The following RGP1 variants were observed in gnomAD, a reference collection of about 807,000 sequenced individuals.
RGP1 encodes the protein RGP1 partner of RAB6A GEF complex.
RGP1 carries 28 observed loss-of-function variants against 44.5 expected under a neutral mutation model. That is an observed-to-expected ratio of 0.63 (90% CI 0.47 to 0.86). The LOEUF (loss-of-function observed/expected upper bound fraction) is 0.86, where lower values mean the gene tolerates loss of function less well. RGP1 is among the 40% of genes least tolerant of loss of function. The pLI is 0.00. For missense variants in RGP1, 417 were observed against 490.7 expected (o/e 0.85, Z 1.42); for synonymous variants, 212 against 196.7 (o/e 1.08, Z -0.65).
the RGP1 span, among the ~76,000 whole-genome samples, chr9:35,777,524 T>C: frequency 2.6e-5 from 4 of 151,756 alleles, no homozygotes; most frequent in Non-Finnish European, 2.9e-5. Context: ...CTTGCTATGT[T>C]GACCAGGCTG....
intron 3 of RGP1, 74 bp downstream of exon 3, chr9:35,750,453 A>T: frequency 6.5e-7 from 1 of 1,538,994 alleles, no homozygotes; most frequent in Admixed American, 1.7e-5. Flanking sequence ...CCCATGGGTG[A>T]AGTTGTTAAT....
the RGP1 span, among the ~76,000 whole-genome samples, chr9:35,788,523 G>A: frequency 2.3e-4 from 34 of 150,946 alleles, no homozygotes; most frequent in Non-Finnish European, 2.5e-4. Flanking sequence ...CCGAGATTGC[G>A]CCACTACATT....
rs528421992 is a variant in RGP1, at chr9:35,754,060, C to A, written c.*1186C>A. On this transcript the variant is annotated 3_prime_UTR_variant, in exon 9 of 9. Transcript: ENST00000378078. ...GGGTGCTGGAGGAGTAGAGACATCA[C>A]CAAGCAGATGATCCCCCAGCCTCCT... 11 of 1,613,728 alleles carry A rather than the reference C, an allele frequency of 6.8e-6. No individual in the cohort carries two copies. The highest frequency in any genetic ancestry group is 9.3e-6 in the Non-Finnish European group (11 of 1,179,856).
At chr9:35,750,629 A>C (rs771452345) in intron 3 of RGP1, 29 bp from the exon 4 acceptor site, 10 of 1,609,194 alleles carry the variant, frequency 6.2e-6, no homozygotes, top group Non-Finnish European at 7.7e-6. Context: ...ACAATGGGTC[A>C]TTAAATTAGT....
At chr9:35,766,147 TAAAAAA>T in the RGP1 span, among the ~76,000 whole-genome samples, 1 of 125,118 alleles carries the variant, frequency 8.0e-6, no homozygotes, top group African/African-American at 3.1e-5. Context: ...GTCAGTTTCT[TAAAAAA>T]AAAAAAAAAA....
At chr9:35,773,722 G>C in the RGP1 span, among the ~76,000 whole-genome samples, 2 of 151,954 alleles carry the variant, frequency 1.3e-5, no homozygotes, top group Non-Finnish European at 1.5e-5. Context: ...GGCTGGTCTC[G>C]AACTCCTGAC....
chr9:35,763,134 C>A (rs773420448), downstream of RGP1, among the ~76,000 whole-genome samples: 1 of 152,214 alleles, frequency 6.6e-6, no homozygotes, highest in Non-Finnish European at 1.5e-5. Context: ...CTGTATTAGC[C>A]ACTTAACTAG....
chr9:35,759,827 G>A (rs1030759523), downstream of RGP1, among the ~76,000 whole-genome samples: 1 of 149,786 alleles, frequency 6.7e-6, no homozygotes, highest in Non-Finnish European at 1.5e-5. Flanking sequence ...GCATCCTTTT[G>A]TAGAAGAATC....
chr9:35,789,370 A>C, the RGP1 span, among the ~76,000 whole-genome samples: 2 of 124,720 alleles, frequency 1.6e-5, no homozygotes, highest in Non-Finnish European at 3.3e-5. Context: ...TCTTGCTGTC[A>C]CCCAGGCTGC....
chr9:35,768,680 C>CA, the RGP1 span, among the ~76,000 whole-genome samples: 1 of 152,080 alleles, frequency 6.6e-6, no homozygotes, highest in South Asian at 2.1e-4. Flanking sequence ...CAAACAGGGG[C>CA]AAAGGAACAT....
chr9:35,765,949 C>T, the RGP1 span, among the ~76,000 whole-genome samples: 1 of 151,106 alleles, frequency 6.6e-6, no homozygotes, highest in African/African-American at 2.4e-5. Context: ...ATTCTCCTGC[C>T]TCAGCCTCCT....
At position 35,753,797 on chromosome 9, in the gene RGP1, T is replaced by G. The variant is rs1827314037; in HGVS notation, c.*923T>G. The stretch of plus-strand genomic sequence containing the variant: ...GGGAAGAACGGGAAATGTTAGTAGG[T>G]GTAGGAGTGCTGATGAGAGGCAGAG... On this transcript the variant is annotated 3_prime_UTR_variant, in exon 9 of 9. Transcript: ENST00000378078. This position sits in a 1 kb window ranked among gnomAD's most constrained non-coding sequence, Gnocchi z 4.2. The G allele has an allele frequency of 6.3e-7, 1 of 1,595,906 alleles. No homozygotes were observed. The highest frequency in any genetic ancestry group is 1.7e-5 in the Admixed American group (1 of 59,914).
chr9:35,753,387 G>C lies in RGP1; in HGVS notation c.*513G>C. 7.8e-7 allele frequency: 1 copy of C among 1,280,842 alleles called. No homozygotes were observed. Among genetic ancestry groups the C allele is most frequent in the Non-Finnish European group, 1.1e-6 (1 of 931,260 alleles). The allele number at this position is 1,280,842 out of a possible 1,614,324, so 79.3% of individuals were successfully genotyped here. A position where few individuals can be genotyped will look rare whatever the true frequency, so the allele number is the denominator to read the frequency against. On this transcript the variant is annotated 3_prime_UTR_variant, in exon 9 of 9. Coordinates refer to ENST00000378078, the MANE Select transcript of RGP1 (RefSeq NM_001080496.3). This position sits in a 1 kb window ranked among gnomAD's most constrained non-coding sequence, Gnocchi z 4.2. Reference sequence around the variant, plus strand: ...TTTTCCCCCCACAGAGCCCCTTTCAGTGGCCCCTTGGTCCTCCTAACTAAG... The same window carrying C: ...TTTTCCCCCCACAGAGCCCCTTTCACTGGCCCCTTGGTCCTCCTAACTAAG...
At chr9:35,759,567 C>CAAAAAA (rs57938702), downstream of RGP1, among the ~76,000 whole-genome samples, 5 of 38,302 alleles carry the variant, frequency 1.3e-4, no homozygotes, top group Admixed American at 4.8e-4. Flanking sequence ...ACCCTGTCTC[C>CAAAAAA]AAAAAAAAAA....
chr9:35,774,757 A>G, the RGP1 span, among the ~76,000 whole-genome samples: 3 of 152,144 alleles, frequency 2.0e-5, no homozygotes, highest in Non-Finnish European at 2.9e-5. Context: ...GGAAATAGTT[A>G]CTATGGGGAA....
chr9:35,786,609 G>A, the RGP1 span: 1 of 152,232 alleles, frequency 6.6e-6, no homozygotes, highest in South Asian at 2.1e-4. Context: ...AAATGTATGT[G>A]GTTGCTTCTC....
chr9:35,789,921 G>A, the RGP1 span, among the ~76,000 whole-genome samples: 1 of 152,138 alleles, frequency 6.6e-6, no homozygotes, highest in Non-Finnish European at 1.5e-5. Context: ...CTGGGATTTG[G>A]TTTTCAATTA....
At chr9:35,788,963 C>T in the RGP1 span, among the ~76,000 whole-genome samples, 2 of 152,074 alleles carry the variant, frequency 1.3e-5, no homozygotes, top group South Asian at 2.1e-4. Flanking sequence ...CTCCCCACTC[C>T]TTCCCACTTC....
At chr9:35,765,722 C>T in the RGP1 span, among the ~76,000 whole-genome samples, 1 of 151,736 alleles carries the variant, frequency 6.6e-6, no homozygotes, top group Non-Finnish European at 1.5e-5. Context: ...AAGAGAAGTG[C>T]CATACTGTTT....
Sources: gnomAD v4.1 joint callset for allele counts (sites outside exome capture counted in the v4.1 genomes callset) on GRCh38, gnomAD v4.1.1 for gene constraint, Gnocchi (gnomAD v3.1) non-coding constraint, MANE v1.5 for transcripts, NCBI Gene and HGNC (gene_info 2026-07-23, HGNC 2026-07-21) for gene names.